GNG7: variants seen among roughly 807,000 people sequenced by gnomAD.
The protein encoded by GNG7 is G protein subunit gamma 7.
A neutral mutation model predicts 4.0 loss-of-function variants in GNG7; 1 was observed. That is an observed-to-expected ratio of 0.25 (90% CI 0.09 to 1.18). GNG7 has a LOEUF of 1.18. GNG7 is among the 50% of genes most tolerant of loss of function. The pLI, the probability that GNG7 is intolerant of heterozygous loss-of-function variation, is 0.50. For synonymous variants in GNG7, 34 were observed against 36.9 expected, an observed-to-expected ratio of 0.92 and a Z score of 0.29; for missense variants, 86 against 91.9, an observed-to-expected ratio of 0.94 and a Z score of 0.26.
intron 2 of GNG7, among the ~76,000 whole-genome samples, chr19:2,559,131 T>C (rs1012729908): frequency 8.6e-5 from 13 of 151,640 alleles, no homozygotes; most frequent in Non-Finnish European, 1.3e-4. Context: ...ACAAAGAATA[T>C]ATATATATAC....
Position 2,602,419 on chromosome 19 carries a change from C to G in GNG7, c.-78+43805G>C, listed in dbSNP as rs140387726. ...GGCCCTGGCTCCCCTGTACCCACCCCCTCCTGCACGCTTTTAAGCAGATCC... is the reference window on the plus strand; with the variant it reads ...GGCCCTGGCTCCCCTGTACCCACCCGCTCCTGCACGCTTTTAAGCAGATCC... On this transcript the variant is annotated intron_variant, in intron 2 of 4. Coordinates refer to ENST00000382159, the MANE Select transcript of GNG7 (RefSeq NM_052847.3). Among the ~76,000 whole-genome samples the G allele has an allele frequency of 7.5e-4, 115 of 152,322 alleles. 1 individual carries two copies. The highest frequency in any genetic ancestry group is 2.6e-3 in the African/African-American group (110 of 41,586).
chr19:2,631,423 C>T (rs1328347424), intron 2 of GNG7, among the ~76,000 whole-genome samples: 1 of 152,238 alleles, frequency 6.6e-6, no homozygotes, highest in Non-Finnish European at 1.5e-5. Context: ...GGCTGAGGGT[C>T]AGCAAACCTT....
rs1978340678 is a variant in GNG7 at position 2,524,775 on chromosome 19, T to TGCGCACACGTGTGTGG, written c.-37-4066_-37-4051dup. On this transcript the variant is annotated intron_variant, in intron 3 of 4. Transcript: ENST00000382159. ...GTGGACACGGCACTGCATGTGCGTG[T>TGCGCACACGTGTGTGG]GCGCACACGTGTGTGGGCATGCATG... 3.9e-5 allele frequency among the ~76,000 whole-genome samples: 6 copies of TGCGCACACGTGTGTGG among 152,238 alleles called. No homozygotes were observed. In the South Asian group the frequency reaches 1.2e-3, roughly 32 times the overall value.
At chr19:2,667,865 A>C (rs1983349222) in intron 1 of GNG7, among the ~76,000 whole-genome samples, 1 of 152,182 alleles carries the variant, frequency 6.6e-6, no homozygotes, top group African/African-American at 2.4e-5. Flanking sequence ...CAGTGAGCCG[A>C]GATTGCACCA....
rs1982224264 is a variant in GNG7 at position 2,633,497 on chromosome 19, A to ATGCGCG, written c.-78+12726_-78+12727insCGCGCA. 8.2e-6 allele frequency among the ~76,000 whole-genome samples: 1 copy of ATGCGCG among 121,326 alleles called. No homozygotes were observed. The highest frequency in any genetic ancestry group is 1.6e-5 in the Non-Finnish European group (1 of 64,058). The allele number at this position is 121,326 out of a possible 152,430, so 79.6% of individuals were successfully genotyped here. A position where few individuals can be genotyped will look rare whatever the true frequency, so the allele number is the denominator to read the frequency against. ...CGCGCGCGCGCGCGCGCACACACAC[A>ATGCGCG]CACACACACACACACACACACACAC... On this transcript the variant is annotated intron_variant, in intron 2 of 4. Transcript: ENST00000382159. This position sits in a 1 kb window ranked among gnomAD's most constrained non-coding sequence, Gnocchi z 5.9.
intron 2 of GNG7, among the ~76,000 whole-genome samples, chr19:2,598,477 GA>G (rs1426654099): frequency 3.3e-5 from 5 of 151,082 alleles, no homozygotes; most frequent in African/African-American, 1.2e-4. Context: ...CTAACACGGT[GA>G]AACCCCATCT....
chr19:2,512,361 A>T lies in GNG7; in HGVS notation c.*2661T>A, dbSNP rs199875690. 3,364 of 985,684 alleles carry T rather than the reference A, an allele frequency of 3.4e-3. 16 individuals carry two copies. Among genetic ancestry groups the T allele is most frequent in the Non-Finnish European group, 3.7e-3 (3,097 of 829,904 alleles). 61.1% of individuals were successfully genotyped at this position (985,684 alleles called of 1,614,324 possible). On this transcript the variant is annotated 3_prime_UTR_variant, in exon 5 of 5. Coordinates refer to ENST00000382159, the MANE Select transcript of GNG7 (RefSeq NM_052847.3). The surrounding 1 kb of genome is among the most constrained non-coding windows in gnomAD (Gnocchi z 4.7). ...CACTGAAGTCTACTCAAGAAAAAAA[A>T]AAGTGGAGAATTTTTTTTTTAATCC...
chr19:2,681,378 T>A (rs1421851388), intron 1 of GNG7, among the ~76,000 whole-genome samples: 2 of 151,766 alleles, frequency 1.3e-5, no homozygotes, highest in African/African-American at 4.8e-5. Context: ...AGAGATGGGG[T>A]TTCACCATAT....
chr19:2,561,117 T>C (rs953114082), intron 2 of GNG7, among the ~76,000 whole-genome samples: 1 of 152,022 alleles, frequency 6.6e-6, no homozygotes. Context: ...AAGGTGTGGA[T>C]TGCAATGTGT....
intron 1 of GNG7, among the ~76,000 whole-genome samples, chr19:2,689,836 C>A (rs891128340): frequency 6.6e-6 from 1 of 152,026 alleles, no homozygotes; most frequent in Non-Finnish European, 1.5e-5. Flanking sequence ...AGGGCCAACA[C>A]GCTTTTTCGG....
At chr19:2,542,490 C>T (rs1021172437) in intron 3 of GNG7, among the ~76,000 whole-genome samples, 1 of 152,092 alleles carries the variant, frequency 6.6e-6, no homozygotes, top group African/African-American at 2.4e-5. Context: ...CTGCGCCCTA[C>T]GACTGCAAGG....
chr19:2,698,589 A>C (rs1376823600), intron 1 of GNG7, among the ~76,000 whole-genome samples: 1 of 152,012 alleles, frequency 6.6e-6, no homozygotes, highest in Non-Finnish European at 1.5e-5. Context: ...AAGAAAGAAA[A>C]GAAAAAAAGA....
rs59658349 is a variant in GNG7 at position 2,593,928 on chromosome 19, C to CA, written c.-77-38741dup. Among the ~76,000 whole-genome samples, 119 of 134,562 alleles carry CA rather than the reference C, an allele frequency of 8.8e-4. 3 individuals carry two copies. Among genetic ancestry groups the CA allele is most frequent in the African/African-American group, 1.2e-3 (44 of 36,088 alleles). 88.3% of individuals were successfully genotyped at this position (134,562 alleles called of 152,430 possible). A position where few individuals can be genotyped will look rare whatever the true frequency, so the allele number is the denominator to read the frequency against. On this transcript the variant is annotated intron_variant, in intron 2 of 4. Coordinates refer to ENST00000382159, the MANE Select transcript of GNG7 (RefSeq NM_052847.3). ...AGAGGCAGGCCGAAATATTTGATGCCAAAAAAAAAAAAAAACTTTCTTACC... is the reference window on the plus strand; with the variant it reads ...AGAGGCAGGCCGAAATATTTGATGCCAAAAAAAAAAAAAAAACTTTCTTACC...
At chr19:2,696,153 T>A (rs1599466399) in intron 1 of GNG7, among the ~76,000 whole-genome samples, 2 of 128,656 alleles carry the variant, frequency 1.6e-5, no homozygotes, top group Admixed American at 9.0e-5. Context: ...CAAGACTCCG[T>A]CAAAAAAAAA....
At chr19:2,595,816 G>A (rs1047990651) in intron 2 of GNG7, among the ~76,000 whole-genome samples, 6 of 152,026 alleles carry the variant, frequency 3.9e-5, no homozygotes, top group African/African-American at 1.4e-4. Context: ...CCATATGGCT[G>A]TACGTATCTA....
At position 2,532,164 on chromosome 19, in the gene GNG7, A is replaced by AC. The variant is rs61113817; in HGVS notation, c.-37-11440_-37-11439insG. ...AGACTCCGTCTCAAAAAAAAAAACA[A>AC]AAAAAAAAACAAAAACCAGCACTAC... On this transcript the variant is annotated intron_variant, in intron 3 of 4. Transcript: ENST00000382159. Among the ~76,000 whole-genome samples the AC allele has an allele frequency of 1.3e-4, 10 of 79,196 alleles. 1 individual carries two copies. Among genetic ancestry groups the AC allele is most frequent in the Non-Finnish European group, 2.0e-4 (7 of 34,996 alleles). The allele number at this position is 79,196 out of a possible 152,430, so 52.0% of individuals were successfully genotyped here. A position where few individuals can be genotyped will look rare whatever the true frequency, so the allele number is the denominator to read the frequency against.
intron 1 of GNG7, among the ~76,000 whole-genome samples, chr19:2,655,711 C>T (rs1433092378): frequency 6.6e-6 from 1 of 151,460 alleles, no homozygotes; most frequent in Non-Finnish European, 1.5e-5. Context: ...TGGTGGCGGG[C>T]GCCTGTAGTC....
rs1032287401 is a variant in GNG7 at position 2,601,454 on chromosome 19, C to T, written c.-78+44770G>A. On this transcript the variant is annotated intron_variant, in intron 2 of 4. Coordinates refer to ENST00000382159, the MANE Select transcript of GNG7 (RefSeq NM_052847.3). ...GATACATGTACATGCTTGCAATATA[C>T]GTGTCTGTCTCCCCTGCTCTACAAT... Among the ~76,000 whole-genome samples, 19 of 152,240 alleles carry T rather than the reference C, an allele frequency of 1.2e-4. No homozygotes were observed. The Middle Eastern group carries it at 0.01, about 82-fold the overall frequency.
At chr19:2,635,576 A>C (rs572437910) in intron 2 of GNG7, among the ~76,000 whole-genome samples, 53 of 135,756 alleles carry the variant, frequency 3.9e-4, no homozygotes, top group African/African-American at 1.4e-3. Context: ...GGAGGTCTCA[A>C]CTTGGGGTGA....
Sources: allele counts gnomAD v4.1 joint callset (sites outside exome capture counted in the v4.1 genomes callset), GRCh38; gene constraint gnomAD v4.1.1; non-coding constraint Gnocchi (gnomAD v3.1); transcripts MANE v1.5; gene names NCBI Gene and HGNC (gene_info 2026-07-23, HGNC 2026-07-21).